MON2: variants seen among roughly 807,000 people sequenced by gnomAD.
MON2 encodes protein MON2 homolog.
MON2 carries 84 observed loss-of-function variants against 208.6 expected under a neutral mutation model. That is an observed-to-expected ratio of 0.40 (90% CI 0.34 to 0.48). The LOEUF (loss-of-function observed/expected upper bound fraction) is 0.48, where lower values mean the gene tolerates loss of function less well. MON2 is among the 20% of genes least tolerant of loss of function. The pLI, the probability that MON2 is intolerant of heterozygous loss-of-function variation, is 0.59. For synonymous variants in MON2, 660 were observed against 694.0 expected (o/e 0.95, Z 0.77); for missense variants, 1,611 against 2,015.4 (o/e 0.80, Z 3.84).
intron 14 of MON2, 127 bp from the exon 15 acceptor site, chr12:62,537,024 T>C: frequency 2.0e-6 from 1 of 499,320 alleles, no homozygotes; most frequent in Admixed American, 3.7e-5. Context: ...GATACAGATA[T>C]TAGGTATTAC....
chr12:62,528,308 CTGCT>C (rs1195749966), intron 11 of MON2, among the ~76,000 whole-genome samples: 3 of 152,160 alleles, frequency 2.0e-5, no homozygotes, highest in African/African-American at 4.8e-5. Flanking sequence ...CTTTTATTGA[CTGCT>C]TGAGTATAAT....
chr12:62,519,443 A>G (rs1241168204), intron 8 of MON2, among the ~76,000 whole-genome samples: 2 of 152,178 alleles, frequency 1.3e-5, no homozygotes, highest in Admixed American at 1.3e-4. Context: ...TATATTCTTA[A>G]AAAATATTTA....
At chr12:62,475,178 A>T (rs1299524929) in intron 1 of MON2, among the ~76,000 whole-genome samples, 8 of 152,130 alleles carry the variant, frequency 5.3e-5, no homozygotes, top group Admixed American at 5.2e-4. Context: ...GTTACCTGCT[A>T]GTCTCCAAAT....
intron 24 of MON2, among the ~76,000 whole-genome samples, chr12:62,555,256 G>A (rs1431581860): frequency 6.6e-6 from 1 of 151,314 alleles, no homozygotes; most frequent in Non-Finnish European, 1.5e-5. Context: ...GCTCACTGCA[G>A]CCTCAACCTC....
chr12:62,579,255 A>G (rs2074909595), intron 31 of MON2, among the ~76,000 whole-genome samples: 1 of 151,896 alleles, frequency 6.6e-6, no homozygotes, highest in South Asian at 2.1e-4. Flanking sequence ...GAAAAAAAAA[A>G]GTAAAAAAAA....
At chr12:62,565,802 T>C (rs1469180125) in intron 27 of MON2, 6 of 521,694 alleles carry the variant, frequency 1.2e-5, no homozygotes, top group Non-Finnish European at 2.0e-5. Context: ...TGTACACTAC[T>C]GGTGTGAAGT....
chr12:62,500,671 A>C lies in MON2; in HGVS notation c.566-112A>C, dbSNP rs190608016. 114 of 575,810 alleles carry C rather than the reference A, an allele frequency of 2.0e-4. No individual in the cohort carries two copies. In the African/African-American group the frequency reaches 2.0e-3, roughly 10 times the overall value. 35.7% of individuals were successfully genotyped at this position (575,810 alleles called of 1,614,324 possible). A position where few individuals can be genotyped will look rare whatever the true frequency, so the allele number is the denominator to read the frequency against. On this transcript the variant is annotated intron_variant, in intron 5 of 34. Transcript: ENST00000393630. ...TTGGAAATTTTAATTCTGAAATTAT[A>C]ACTTCAACTTATATAAACAAATATT...
chr12:62,542,070 T>G (rs2073266356), intron 19 of MON2, among the ~76,000 whole-genome samples: 1 of 152,166 alleles, frequency 6.6e-6, no homozygotes, highest in Admixed American at 6.5e-5. Context: ...CAGTTAAAAC[T>G]TCATAGACAT....
In MON2 at chr12:62,593,847, A is replaced by C. The variant is rs1316870749; in HGVS notation, c.*1098A>C. 1 of 152,182 alleles carries C rather than the reference A, an allele frequency of 6.6e-6. No homozygotes were observed. The highest frequency in any genetic ancestry group is 1.5e-5 in the Non-Finnish European group (1 of 68,000). 9.4% of individuals were successfully genotyped at this position (152,182 alleles called of 1,614,324 possible). ...AAGAAAAATACCTATGTTAACTCAC[A>C]AGTATAAAATATGTGTGTATTATAA... On this transcript the variant is annotated 3_prime_UTR_variant, in exon 35 of 35. Transcript: ENST00000393630.
chr12:62,508,430 C>T lies in MON2; in HGVS notation c.934C>T (p.Arg312Cys), dbSNP rs755801169. ...VEKPYFPICM[R>C]LLRVVSVLIK... ...AAAACCATATTTTCCTATCTGCATG[C>T]GTTTGCTGAGAGTAGTATCTGTTCT... Residue 312 changes from arginine (R) to cysteine (C), a missense_variant, in exon 8 of 35, where the codon CGT (arginine) becomes TGT (cysteine). By Grantham distance (180) the Arg-to-Cys change is radical (BLOSUM62 -3). Coordinates refer to ENST00000393630, the MANE Select transcript of MON2 (RefSeq NM_015026.3). The T allele has an allele frequency of 6.2e-6, 10 of 1,613,902 alleles. No homozygotes were observed. The highest frequency in any genetic ancestry group is 8.5e-6 in the Non-Finnish European group (10 of 1,179,982).
In MON2 at chr12:62,537,209, A is replaced by G. The variant is rs144030277; in HGVS notation, c.1959A>G (p.Gln653=). The change falls in exon 15 of 35, where the codon CAA becomes CAG. Residue 653 remains glutamine (Q), a synonymous_variant. Coordinates refer to ENST00000393630, the MANE Select transcript of MON2 (RefSeq NM_015026.3). The part of the protein sequence containing the change: ...MMISPSSESH[Q]QVVAVGQPLA... ...TAAGTCCATCAAGTGAATCTCACCA[A>G]CAAGTTGTGGCAGTGGGTCAACCTT... The G allele has an allele frequency of 3.1e-4, 495 of 1,613,654 alleles. 4 individuals carry two copies. The South Asian group carries it at 4.6e-3, about 15-fold the overall frequency.
At chr12:62,566,229 A>T in intron 28 of MON2, 93 bp from the exon 29 acceptor site, 1 of 1,485,420 alleles carries the variant, frequency 6.7e-7, no homozygotes, top group Non-Finnish European at 9.1e-7. Flanking sequence ...CCAAGGCCTG[A>T]ACTTTAAGAC....
intron 32 of MON2, among the ~76,000 whole-genome samples, chr12:62,581,634 A>C (rs1258875971): frequency 2.6e-5 from 4 of 152,042 alleles, no homozygotes; most frequent in Non-Finnish European, 4.4e-5. Flanking sequence ...TCAGGAGTTC[A>C]AGACCAGCCT....
At chr12:62,557,780 T>C (rs796434909) in intron 25 of MON2, among the ~76,000 whole-genome samples, 16 of 151,384 alleles carry the variant, frequency 1.1e-4, no homozygotes, top group African/African-American at 3.6e-4. Context: ...TTGGTATATG[T>C]ATTTTTAAAT....
chr12:62,512,155 C>T (rs995745550), intron 8 of MON2, among the ~76,000 whole-genome samples: 28 of 152,186 alleles, frequency 1.8e-4, no homozygotes, highest in South Asian at 1.0e-3. Flanking sequence ...CATATCATTC[C>T]GCCCCTGGCC....
chr12:62,588,117 A>G lies in MON2; in HGVS notation c.4951A>G (p.Thr1651Ala). Reference sequence around the variant, plus strand: ...TATATTTGTTTTAAAAGCAGTCAGTACTCTTATTGATTCACTTAAGAAAAC... The same window carrying G: ...TATATTTGTTTTAAAAGCAGTCAGTGCTCTTATTGATTCACTTAAGAAAAC... The part of the protein sequence containing the change: ...EIIFVLKAVS[T>A]LIDSLKKTQP... Residue 1651 changes from threonine to alanine, a missense_variant, in exon 34 of 35, where the codon ACT becomes GCT. Coordinates refer to ENST00000393630, the MANE Select transcript of MON2 (RefSeq NM_015026.3). 2 of 1,583,982 alleles carry G rather than the reference A, an allele frequency of 1.3e-6. No individual in the cohort carries two copies. The highest frequency in any genetic ancestry group is 1.7e-6 in the Non-Finnish European group (2 of 1,155,642).
intron 8 of MON2, among the ~76,000 whole-genome samples, chr12:62,514,485 C>A (rs148415336): frequency 3.3e-5 from 5 of 152,318 alleles, no homozygotes; most frequent in Admixed American, 6.5e-5. Flanking sequence ...AGGCACATCA[C>A]AAATGGTGGT....
Position 62,537,666 on chromosome 12 carries a change from T to C in MON2, c.2078T>C (p.Val693Ala). Residue 693 changes from valine to alanine, a missense_variant, in exon 16 of 35, where the codon GTT becomes GCT. Physicochemically the swap from Val to Ala is moderately conservative, Grantham distance 64. Transcript: ENST00000393630. Reference protein sequence around the residue: ...LLNLAHCHGAVLGTSWQLVLA... With the variant: ...LLNLAHCHGAALGTSWQLVLA... Reference sequence around the variant, plus strand: ...AACTTGGCGCATTGCCATGGGGCTGTTCTTGGAACATCATGGCAACTTGTC... The same window carrying C: ...AACTTGGCGCATTGCCATGGGGCTGCTCTTGGAACATCATGGCAACTTGTC... The C allele has an allele frequency of 1.9e-6, 3 of 1,613,368 alleles. No homozygotes were observed. Among genetic ancestry groups the C allele is most frequent in the Non-Finnish European group, 2.5e-6 (3 of 1,179,736 alleles).
chr12:62,487,610 AT>A (rs2069877674), intron 2 of MON2, among the ~76,000 whole-genome samples: 1 of 151,900 alleles, frequency 6.6e-6, no homozygotes, highest in South Asian at 2.1e-4. Context: ...ATGAGTAAAT[AT>A]ACTTTGGAAT....
Sources: allele counts gnomAD v4.1 joint callset (sites outside exome capture counted in the v4.1 genomes callset), GRCh38; gene constraint gnomAD v4.1.1; transcripts MANE v1.5; gene names NCBI Gene and HGNC (gene_info 2026-07-23, HGNC 2026-07-21).